Variants in NDRG1 observed in about 807,000 individuals in gnomAD.
NDRG1 encodes protein NDRG1.
In NDRG1, 32 loss-of-function variants were observed where a neutral mutation model predicts 56.9. The ratio of observed to expected loss-of-function variants is 0.56; its 90% confidence interval spans 0.42 to 0.76. The LOEUF is 0.76. Among genes scored for constraint, NDRG1 ranks in the 30% least tolerant of loss-of-function variants. The probability of loss-of-function intolerance (pLI) is 0.00; values close to 1 mark genes in which losing one functional copy is unlikely to be tolerated. For missense variants in NDRG1, 507 were observed against 545.7 expected (o/e 0.93, Z 0.71); for synonymous variants, 211 against 204.1 (o/e 1.03, Z -0.29).
At chr8:133,283,606 A>C (rs1312456593) in intron 2 of NDRG1, among the ~76,000 whole-genome samples, 1 of 152,240 alleles carries the variant, frequency 6.6e-6, no homozygotes, top group Non-Finnish European at 1.5e-5. Flanking sequence ...TGCATTGCCC[A>C]TCTCCTCTAT....
chr8:133,249,823 A>C (rs111508646), intron 10 of NDRG1, among the ~76,000 whole-genome samples: 6 of 152,300 alleles, frequency 3.9e-5, no homozygotes, highest in African/African-American at 1.4e-4. Flanking sequence ...AGAGATAAAC[A>C]CTATGAGGCT....
In NDRG1 at chr8:133,238,195, T is replaced by C; in HGVS notation, c.*683A>G. Reference sequence around the variant, plus strand: ...AAGCCAGGAGATTTTGTCGCCTGCTTTTGCTGCACATTAAGAGGATGCTAG... The same window carrying C: ...AAGCCAGGAGATTTTGTCGCCTGCTCTTGCTGCACATTAAGAGGATGCTAG... On this transcript the variant is annotated 3_prime_UTR_variant, in exon 16 of 16. Transcript: ENST00000323851. The C allele has an allele frequency of 4.3e-6, 1 of 232,876 alleles. No homozygotes were observed. The highest frequency in any genetic ancestry group is 8.5e-6 in the Non-Finnish European group (1 of 117,792). 14.4% of individuals were successfully genotyped at this position (232,876 alleles called of 1,614,324 possible). A position where few individuals can be genotyped will look rare whatever the true frequency, so the allele number is the denominator to read the frequency against.
chr8:133,278,561 A>G (rs1393671183), intron 3 of NDRG1, among the ~76,000 whole-genome samples: 1 of 152,176 alleles, frequency 6.6e-6, no homozygotes, highest in Admixed American at 6.5e-5. Flanking sequence ...TGCGGGAAGA[A>G]CATGGGCTTC....
chr8:133,248,052 G>A, intron 11 of NDRG1, 126 bp from the exon 12 acceptor site: 25 of 863,468 alleles, frequency 2.9e-5, no homozygotes, highest in Non-Finnish European at 9.9e-6. Context: ...AACACCCTTT[G>A]CTCTTTTACT....
intron 3 of NDRG1, among the ~76,000 whole-genome samples, chr8:133,279,203 ACT>A (rs1465915809): frequency 6.6e-6 from 1 of 152,024 alleles, no homozygotes; most frequent in Admixed American, 6.6e-5. Context: ...CTTCTTAAAC[ACT>A]GAGGTCAGGG....
At position 133,242,036 on chromosome 8, in the gene NDRG1, C is replaced by T; in HGVS notation, c.930G>A (p.Gln310=). The change falls in exon 15 of 16, where the codon CAG becomes CAA. Residue 310 remains glutamine (Q), a synonymous_variant. Coordinates refer to ENST00000323851, the MANE Select transcript of NDRG1 (RefSeq NM_006096.4). ...KLAEAFKYFV[Q]GMGYMPSASM... is the part of the protein sequence containing the mutation. ...TGCCATACTCACTGTATCCCATGCC[C>T]TGCACGAAGTACTTGAAGGCCTCAG... 2 of 1,614,242 alleles carry T rather than the reference C, an allele frequency of 1.2e-6. No homozygotes were observed. The highest frequency in any genetic ancestry group is 1.6e-4 in the Middle Eastern group (1 of 6,062).
intron 7 of NDRG1, 129 bp from the exon 8 acceptor site, chr8:133,256,992 C>T: frequency 1.2e-6 from 1 of 848,678 alleles, no homozygotes; most frequent in Non-Finnish European, 1.9e-6. Context: ...CAGGCTGCTG[C>T]TCCCCGGCCC....
chr8:133,254,461 C>G lies in NDRG1; in HGVS notation c.594+78G>C, dbSNP rs376525972. On this transcript the variant is annotated intron_variant, in intron 9 of 15. Transcript: ENST00000323851. ...GATTGTGTCTTGTTCTCTCCACCCCCACATGGGGCCCTGTGCTGAGCACCA... is the reference window on the plus strand; with the variant it reads ...GATTGTGTCTTGTTCTCTCCACCCCGACATGGGGCCCTGTGCTGAGCACCA... 1,708 of 1,509,196 alleles carry G rather than the reference C, an allele frequency of 1.1e-3. 27 individuals are homozygous for G. The South Asian group carries it at 0.018, about 16-fold the overall frequency. The allele number at this position is 1,509,196 out of a possible 1,614,324, so 93.5% of individuals were successfully genotyped here.
chr8:133,279,900 G>A lies in NDRG1; in HGVS notation c.99+332C>T, dbSNP rs534003245. 5.9e-5 allele frequency among the ~76,000 whole-genome samples: 9 copies of A among 152,208 alleles called. No homozygotes were observed. The South Asian group carries it at 8.3e-4, about 14-fold the overall frequency. On this transcript the variant is annotated intron_variant, in intron 3 of 15. Coordinates refer to ENST00000323851, the MANE Select transcript of NDRG1 (RefSeq NM_006096.4). The stretch of plus-strand genomic sequence containing the variant: ...CCAAGAACATCAAGCTTTTGCTTCC[G>A]TTCCCTCCCCTCACAGGGTCCCAAG...
intron 3 of NDRG1, among the ~76,000 whole-genome samples, chr8:133,265,757 C>A (rs907618262): frequency 6.6e-6 from 1 of 152,198 alleles, no homozygotes; most frequent in African/African-American, 2.4e-5. Context: ...ATGGACCAAT[C>A]TGTCACCTGC....
At position 133,264,649 on chromosome 8, in the gene NDRG1, G is replaced by A; in HGVS notation, c.103C>T (p.Gln35Ter). The A allele has an allele frequency of 6.2e-7, 1 of 1,613,948 alleles. No individual in the cohort carries two copies. Among genetic ancestry groups the A allele is most frequent in the Non-Finnish European group, 8.5e-7 (1 of 1,179,780 alleles). The change falls in exon 4 of 16, where the codon CAG becomes TAG. Residue 35 changes from glutamine (Q) to a stop codon, truncating the protein, a stop_gained. Transcript: ENST00000323851. LOFTEE classifies it high-confidence loss of function. ...GLLQEFDVQE[Q>*]DIETLHGSVH... The stretch of plus-strand genomic sequence containing the variant: ...GAGCCATGTAAAGTCTCGATGTCCT[G>A]CTCCTGAGGAGACACAGCAGACAGT...
intron 3 of NDRG1, among the ~76,000 whole-genome samples, chr8:133,277,989 T>C (rs964816630): frequency 6.6e-6 from 1 of 152,150 alleles, no homozygotes; most frequent in Non-Finnish European, 1.5e-5. Context: ...CTGAGGAGGA[T>C]GGACAATCAC....
intron 3 of NDRG1, among the ~76,000 whole-genome samples, chr8:133,271,780 A>T (rs1396628396): frequency 4.2e-4 from 19 of 44,804 alleles, no homozygotes; most frequent in African/African-American, 1.4e-3. Flanking sequence ...ACCCTGTCTA[A>T]AAAAAAAAAA....
Position 133,254,576 on chromosome 8 carries a change from G to A in NDRG1, c.557C>T (p.Ala186Val). ...GTGGGACACCACCATGTCCGGCAGA[G>A]CTTGGGTCCATCCTGAGATCTGGAA... ...AASKISGWTQ[A>V]LPDMVVSHLF... Residue 186 changes from alanine (A) to valine (V), a missense_variant, in exon 9 of 16, where the codon GCT becomes GTT. By Grantham distance (64) the Ala-to-Val change is moderately conservative. Coordinates refer to ENST00000323851, the MANE Select transcript of NDRG1 (RefSeq NM_006096.4). 1 of 1,614,144 alleles carries A rather than the reference G, an allele frequency of 6.2e-7. No homozygotes were observed. Among genetic ancestry groups the A allele is most frequent in the East Asian group, 2.2e-5 (1 of 44,874 alleles).
In NDRG1 at chr8:133,247,764, C is replaced by A. The variant is rs1372056724; in HGVS notation, c.807+111G>T. 25 of 1,155,302 alleles carry A rather than the reference C, an allele frequency of 2.2e-5. No homozygotes were observed. The Admixed American group carries it at 3.8e-4, about 18-fold the overall frequency. The allele number at this position is 1,155,302 out of a possible 1,614,324, so 71.6% of individuals were successfully genotyped here. On this transcript the variant is annotated intron_variant, in intron 12 of 15. Transcript: ENST00000323851. ...CAATATGGCATTTCAAAAAACATCA[C>A]CTGCCCTGATGGGGCAGAGGAGAGG...
chr8:133,295,239 A>C (rs1280004930), intron 1 of NDRG1, among the ~76,000 whole-genome samples: 1 of 152,128 alleles, frequency 6.6e-6, no homozygotes, highest in Non-Finnish European at 1.5e-5. Context: ...AGAGCCATCC[A>C]CTTCATCCCA....
Position 133,238,852 on chromosome 8 carries a change from C to T in NDRG1, c.*26G>A, listed in dbSNP as rs1434870612. 6.5e-7 allele frequency: 1 copy of T among 1,544,512 alleles called. No homozygotes were observed. Among genetic ancestry groups the T allele is most frequent in the Admixed American group, 2.0e-5 (1 of 50,980 alleles). ...AGGGGGCCACTACAGAGATCAGAGT[C>T]CGGGGGCGGCAGCTGGGCAGGCCGC... On this transcript the variant is annotated 3_prime_UTR_variant, in exon 16 of 16. Transcript: ENST00000323851.
intron 1 of NDRG1, among the ~76,000 whole-genome samples, chr8:133,294,336 G>A (rs755743699): frequency 3.9e-5 from 6 of 152,298 alleles, no homozygotes; most frequent in South Asian, 2.1e-4. Flanking sequence ...ACGTTCTTGC[G>A]AGGATGAAGG....
chr8:133,243,096 T>G (rs977156841), intron 14 of NDRG1, among the ~76,000 whole-genome samples: 3 of 152,198 alleles, frequency 2.0e-5, no homozygotes, highest in African/African-American at 7.2e-5. Context: ...CTGGGTCCTA[T>G]TCTCCTGAGG....
Sources: allele counts gnomAD v4.1 joint callset (sites outside exome capture counted in the v4.1 genomes callset), GRCh38; gene constraint gnomAD v4.1.1; transcripts MANE v1.5; gene names NCBI Gene and HGNC (gene_info 2026-07-23, HGNC 2026-07-21).